The following LRRC69 variants were observed in gnomAD, a reference collection of about 807,000 sequenced individuals.
LRRC69 encodes leucine-rich repeat-containing protein 69.
A neutral mutation model predicts 37.8 loss-of-function variants in LRRC69; 42 were observed. The observed-to-expected ratio is 1.11, with a 90% CI of 0.87 to 1.44. LRRC69 has a LOEUF of 1.44. Among genes scored for constraint, LRRC69 ranks in the 40% most tolerant of loss-of-function variants. LRRC69 has a pLI of 0.00. For missense variants in LRRC69, 357 were observed against 401.9 expected (o/e 0.89, Z 0.96); for synonymous variants, 141 against 143.1 (o/e 0.99, Z 0.11).
chr8:91,120,394 A>G (rs1352503149), intron 1 of LRRC69, among the ~76,000 whole-genome samples: 3 of 152,136 alleles, frequency 2.0e-5, no homozygotes, highest in Non-Finnish European at 4.4e-5. Context: ...CATTTCTCTC[A>G]GAAGAAACCT....
At chr8:91,115,493 C>T (rs1183830723) in intron 1 of LRRC69, among the ~76,000 whole-genome samples, 1 of 151,956 alleles carries the variant, frequency 6.6e-6, no homozygotes, top group Non-Finnish European at 1.5e-5. Context: ...GAAAGAAATA[C>T]TATTTTTTAA....
chr8:91,196,205 G>A (rs200178236), intron 6 of LRRC69, among the ~76,000 whole-genome samples: 7 of 151,876 alleles, frequency 4.6e-5, no homozygotes, highest in Non-Finnish European at 8.8e-5. Flanking sequence ...GGTTTCTCCC[G>A]AGAGATCTGC....
chr8:91,217,878 A>C (rs1810082688), intron 7 of LRRC69, among the ~76,000 whole-genome samples: 1 of 152,176 alleles, frequency 6.6e-6, no homozygotes, highest in Admixed American at 6.6e-5. Flanking sequence ...TTTTACAGTT[A>C]GGATAGTGCT....
chr8:91,184,289 C>A (rs1256684915), intron 5 of LRRC69, among the ~76,000 whole-genome samples: 4 of 152,112 alleles, frequency 2.6e-5, no homozygotes, highest in Non-Finnish European at 4.4e-5. Context: ...CTCATCCCCC[C>A]ACCCCGAATT....
chr8:91,158,494 G>A, intron 5 of LRRC69: 3 of 1,126,892 alleles, frequency 2.7e-6, no homozygotes, highest in Non-Finnish European at 4.1e-6. Flanking sequence ...GCCTCACAAT[G>A]CACATGGGAG....
intron 5 of LRRC69, among the ~76,000 whole-genome samples, chr8:91,149,720 T>C (rs1475425305): frequency 6.6e-6 from 1 of 152,052 alleles, no homozygotes; most frequent in African/African-American, 2.4e-5. Context: ...CCCATGAGCA[T>C]GGAATGTTCT....
intron 5 of LRRC69, among the ~76,000 whole-genome samples, chr8:91,165,609 A>G (rs547515262): frequency 3.3e-5 from 5 of 151,832 alleles, no homozygotes; most frequent in South Asian, 4.1e-4. Context: ...ATTTTTTTCT[A>G]TGTGCATCTC....
chr8:91,127,701 C>T (rs1813744933), intron 3 of LRRC69, among the ~76,000 whole-genome samples: 1 of 150,538 alleles, frequency 6.6e-6, no homozygotes, highest in East Asian at 2.0e-4. Flanking sequence ...GAGCCTTGTC[C>T]TTCTGTAGGC....
intron 1 of LRRC69, among the ~76,000 whole-genome samples, chr8:91,108,594 A>C (rs1813359348): frequency 6.6e-6 from 1 of 151,978 alleles, no homozygotes; most frequent in South Asian, 2.1e-4. Flanking sequence ...GATTGTGAAA[A>C]CGTGCAACTG....
At chr8:91,166,492 G>GAAAAAAAAAAAAAAAAAAAAA (rs66705016) in intron 5 of LRRC69, among the ~76,000 whole-genome samples, 2 of 95,298 alleles carry the variant, frequency 2.1e-5, no homozygotes, top group Non-Finnish European at 1.9e-5. Context: ...AAAATAAACT[G>GAAAAAAAAAAAAAAAAAAAAA]AAAAAAAAAA....
At chr8:91,214,341 C>T (rs959754346) in intron 7 of LRRC69, among the ~76,000 whole-genome samples, 2 of 152,092 alleles carry the variant, frequency 1.3e-5, no homozygotes, top group African/African-American at 2.4e-5. Flanking sequence ...CAAGTGAATA[C>T]GTTTAACCCT....
intron 5 of LRRC69, among the ~76,000 whole-genome samples, chr8:91,172,094 T>C (rs1213253568): frequency 1.3e-5 from 2 of 152,016 alleles, no homozygotes; most frequent in African/African-American, 4.8e-5. Flanking sequence ...GTTTAGAGTA[T>C]TTTCCTACAT....
intron 7 of LRRC69, among the ~76,000 whole-genome samples, chr8:91,217,904 G>A (rs990269155): frequency 2.0e-5 from 3 of 152,156 alleles, no homozygotes; most frequent in African/African-American, 2.4e-5. Context: ...TCCTCTAAGT[G>A]CTTCACAGCC....
intron 1 of LRRC69, among the ~76,000 whole-genome samples, chr8:91,118,737 A>G (rs991741523): frequency 6.6e-6 from 1 of 152,106 alleles, no homozygotes; most frequent in African/African-American, 2.4e-5. Context: ...AAAGCTTATC[A>G]AATAGTTGTC....
At chr8:91,197,514 C>T (rs1440859124) in intron 6 of LRRC69, among the ~76,000 whole-genome samples, 1 of 152,130 alleles carries the variant, frequency 6.6e-6, no homozygotes, top group East Asian at 1.9e-4. Context: ...GCGTAGGACC[C>T]TCCGAGCCAG....
In LRRC69 at chr8:91,195,531, T is replaced by C. The variant is rs1809582111; in HGVS notation, c.754-5082T>C. ...TGCTTTATGAATCTGGGTGCTCCTG[T>C]ATTGGGTGCATATATATTTAGGATA... On this transcript the variant is annotated intron_variant, in intron 6 of 7. Coordinates refer to ENST00000448384, the Ensembl canonical transcript of LRRC69. Among the ~76,000 whole-genome samples the C allele has an allele frequency of 7.3e-5, 11 of 150,780 alleles. No individual in the cohort carries two copies. In the South Asian group the frequency reaches 2.3e-3, roughly 32 times the overall value.
At chr8:91,183,210 G>A (rs1038717913) in intron 5 of LRRC69, among the ~76,000 whole-genome samples, 6 of 152,166 alleles carry the variant, frequency 3.9e-5, no homozygotes, top group African/African-American at 1.4e-4. Context: ...TATGTAGGTG[G>A]TGACATAATC....
At chr8:91,150,965 T>G (rs1285283780) in intron 5 of LRRC69, among the ~76,000 whole-genome samples, 1 of 151,992 alleles carries the variant, frequency 6.6e-6, no homozygotes, top group African/African-American at 2.4e-5. Context: ...GTCTGTTTCA[T>G]TCTTCTCTCT....
At chr8:91,162,701 C>G (rs1401489041) in intron 5 of LRRC69, among the ~76,000 whole-genome samples, 1 of 151,028 alleles carries the variant, frequency 6.6e-6, no homozygotes, top group African/African-American at 2.4e-5. Flanking sequence ...TGTTTTTATC[C>G]ATTCAGCCTG....
Sources: gnomAD v4.1 joint callset for allele counts (sites outside exome capture counted in the v4.1 genomes callset) on GRCh38, gnomAD v4.1.1 for gene constraint, MANE v1.5 for transcripts, NCBI Gene and HGNC (gene_info 2026-07-23, HGNC 2026-07-21) for gene names.